MBTPS1: variants seen among roughly 807,000 people sequenced by gnomAD.
MBTPS1 encodes membrane-bound transcription factor site-1 protease.
A neutral mutation model predicts 127.8 loss-of-function variants in MBTPS1; 94 were observed. The ratio of observed to expected loss-of-function variants is 0.74; its 90% CI spans 0.62 to 0.87. The LOEUF (loss-of-function observed/expected upper bound fraction) is 0.87. Among genes scored for constraint, MBTPS1 ranks in the 40% least tolerant of loss-of-function variants. MBTPS1 has a pLI of 0.00. For missense variants in MBTPS1, 1,636 were observed against 1,353.2 expected, an observed-to-expected ratio of 1.21 and a Z score of -3.28; for synonymous variants, 632 against 509.4, an observed-to-expected ratio of 1.24 and a Z score of -3.24.
chr16:84,061,534 C>T (rs2085614135), intron 19 of MBTPS1: 2 of 152,454 alleles, frequency 1.3e-5, no homozygotes, highest in Non-Finnish European at 1.5e-5. Context: ...GGCCATGGCT[C>T]CTGCTGCATC....
chr16:84,077,058 T>C (rs1443686118), intron 11 of MBTPS1, among the ~76,000 whole-genome samples: 1 of 152,010 alleles, frequency 6.6e-6, no homozygotes, highest in Non-Finnish European at 1.5e-5. Context: ...AAACCCTGTC[T>C]CTACTAAAAA....
chr16:84,107,868 AT>A (rs66777766), intron 1 of MBTPS1, among the ~76,000 whole-genome samples: 4,247 of 133,386 alleles, frequency 0.032, 73 homozygotes, highest in Middle Eastern at 0.083. Context: ...TGTCCAGCTA[AT>A]TTTTTTTTTT....
At chr16:84,087,003 C>T (rs1279744216) in intron 9 of MBTPS1, among the ~76,000 whole-genome samples, 1 of 152,150 alleles carries the variant, frequency 6.6e-6, no homozygotes, top group Non-Finnish European at 1.5e-5. Flanking sequence ...TCTCACCTAC[C>T]ACTGAGGAGG....
intron 11 of MBTPS1, among the ~76,000 whole-genome samples, chr16:84,076,468 G>A (rs2085856264): frequency 6.6e-6 from 1 of 152,144 alleles, no homozygotes; most frequent in Non-Finnish European, 1.5e-5. Flanking sequence ...AATAATCAAT[G>A]AAGCCTTAAG....
At chr16:84,100,098 C>A (rs1240551505) in intron 2 of MBTPS1, among the ~76,000 whole-genome samples, 1 of 152,222 alleles carries the variant, frequency 6.6e-6, no homozygotes, top group Non-Finnish European at 1.5e-5. Flanking sequence ...TCACCAATTA[C>A]AATGGCACCT....
At chr16:84,054,701 C>T in intron 22 of MBTPS1, 56 bp from the exon 23 acceptor site, 1 of 1,377,208 alleles carries the variant, frequency 7.3e-7, no homozygotes, top group Non-Finnish European at 9.8e-7. Context: ...ACCATGACGG[C>T]CTTTTTCTAT....
At chr16:84,075,278 G>C (rs1305795396) in intron 11 of MBTPS1, 1 of 152,262 alleles carries the variant, frequency 6.6e-6, no homozygotes, top group African/African-American at 2.4e-5. Flanking sequence ...CTGGGAGTAT[G>C]ACCACAGGCT....
At chr16:84,079,314 G>C (rs931912066) in intron 11 of MBTPS1, among the ~76,000 whole-genome samples, 2 of 152,226 alleles carry the variant, frequency 1.3e-5, no homozygotes, top group South Asian at 2.1e-4. Flanking sequence ...TTTTATAGCA[G>C]TGCAAGAACA....
intron 1 of MBTPS1, among the ~76,000 whole-genome samples, chr16:84,111,427 G>A (rs946659180): frequency 1.3e-5 from 2 of 152,062 alleles, no homozygotes; most frequent in African/African-American, 4.8e-5. Context: ...TGTAATCCTA[G>A]CTACCCGGAA....
intron 7 of MBTPS1, 49 bp from the exon 8 acceptor site, chr16:84,090,991 A>G (rs773594256): frequency 9.4e-6 from 10 of 1,062,196 alleles, no homozygotes; most frequent in Admixed American, 2.4e-5. Context: ...CATTAAACAT[A>G]TAACTGTCAA....
intron 7 of MBTPS1, among the ~76,000 whole-genome samples, chr16:84,091,221 C>T (rs896505037): frequency 6.6e-6 from 1 of 152,094 alleles, no homozygotes; most frequent in Non-Finnish European, 1.5e-5. Context: ...CATGGTGGCT[C>T]ACGCCTGTAA....
At chr16:84,114,227 C>T (rs1406190263) in intron 1 of MBTPS1, among the ~76,000 whole-genome samples, 1 of 152,064 alleles carries the variant, frequency 6.6e-6, no homozygotes, top group Non-Finnish European at 1.5e-5. Flanking sequence ...TCCCAAAGTG[C>T]TGGGATTACA....
chr16:84,059,512 T>A, intron 20 of MBTPS1, 84 bp from the exon 21 acceptor site: 16 of 1,280,454 alleles, frequency 1.2e-5, no homozygotes, highest in Non-Finnish European at 1.6e-5. Flanking sequence ...TTATTATGAG[T>A]CTGTCTGCTT....
chr16:84,109,171 G>C (rs944038725), intron 1 of MBTPS1, among the ~76,000 whole-genome samples: 1 of 152,184 alleles, frequency 6.6e-6, no homozygotes, highest in African/African-American at 2.4e-5. Flanking sequence ...GGTACGGTAA[G>C]AACAAGATGG....
chr16:84,068,230 A>C, intron 15 of MBTPS1, 109 bp downstream of exon 15: 1 of 791,234 alleles, frequency 1.3e-6, no homozygotes, highest in Non-Finnish European at 2.2e-6. Flanking sequence ...CCCACGGCGC[A>C]TACTCCCTTG....
intron 5 of MBTPS1, 93 bp downstream of exon 5, chr16:84,093,618 G>A: frequency 1.1e-6 from 1 of 917,810 alleles, no homozygotes; most frequent in African/African-American, 1.6e-5. Flanking sequence ...CCTTGGGCTT[G>A]TCTGAATAAT....
intron 2 of MBTPS1, 40 bp downstream of exon 2, chr16:84,101,581 A>T (rs778057728): frequency 2.0e-6 from 3 of 1,525,692 alleles, no homozygotes; most frequent in Non-Finnish European, 2.7e-6. Context: ...CTTTAAAAAA[A>T]TAGGATGGGA....
In MBTPS1 at chr16:84,116,838, G is replaced by C. The variant is rs912130823; in HGVS notation, c.-428C>G. The stretch of plus-strand genomic sequence containing the variant: ...GGGGCTGTTTACTCCCAACTCTCGC[G>C]AGACTGGGCGACCGGGCCAGCGAGG... On this transcript the variant is annotated 5_prime_UTR_variant, in exon 1 of 23. Transcript: ENST00000343411. 2 of 152,224 alleles carry C rather than the reference G, an allele frequency of 1.3e-5. No homozygotes were observed. The highest frequency in any genetic ancestry group is 2.4e-5 in the African/African-American group (1 of 41,454). 9.4% of individuals were successfully genotyped at this position (152,224 alleles called of 1,614,324 possible).
intron 11 of MBTPS1, among the ~76,000 whole-genome samples, chr16:84,080,652 G>T (rs1274974680): frequency 6.6e-6 from 1 of 152,254 alleles, no homozygotes; most frequent in Non-Finnish European, 1.5e-5. Context: ...ACCAGGGCAG[G>T]CCCATTCTGG....
Sources: gnomAD v4.1 joint callset for allele counts (sites outside exome capture counted in the v4.1 genomes callset) on GRCh38, gnomAD v4.1.1 for gene constraint, MANE v1.5 for transcripts, NCBI Gene and HGNC (gene_info 2026-07-23, HGNC 2026-07-21) for gene names.